Variants in NFIB observed in about 807,000 individuals in gnomAD.
NFIB encodes nuclear factor I B.
A neutral mutation model predicts 61.5 loss-of-function variants in NFIB; 11 were observed. The observed-to-expected ratio is 0.18, with a 90% CI of 0.11 to 0.30. The LOEUF (loss-of-function observed/expected upper bound fraction) is 0.30. Ranked by LOEUF, NFIB falls within the 10% of genes least tolerant of loss-of-function variation. The pLI, the probability that NFIB is intolerant of heterozygous loss-of-function variation, is 1.00. For missense variants in NFIB, 471 were observed against 608.9 expected (o/e 0.77, Z 2.38); for synonymous variants, 260 against 216.5 (o/e 1.20, Z -1.76).
chr9:14,307,552 T>C lies in NFIB; in HGVS notation c.31-32A>G. 1 of 1,515,482 alleles carries C rather than the reference T, an allele frequency of 6.6e-7. No homozygotes were observed. Among genetic ancestry groups the C allele is most frequent in the South Asian group, 1.4e-5 (1 of 73,762 alleles). 93.9% of individuals were successfully genotyped at this position (1,515,482 alleles called of 1,614,324 possible). A position where few individuals can be genotyped will look rare whatever the true frequency, so the allele number is the denominator to read the frequency against. ...AAGACAGAGGGGTGAGGAAAAGATGTGCATAGTCAGTTTAATTTTAAAAGC... is the reference window on the plus strand; with the variant it reads ...AAGACAGAGGGGTGAGGAAAAGATGCGCATAGTCAGTTTAATTTTAAAAGC... On this transcript the variant is annotated intron_variant, in intron 1 of 10. Transcript: ENST00000380953. The surrounding 1 kb of genome is among the most constrained non-coding windows in gnomAD (Gnocchi z 5.3).
intron 1 of NFIB, among the ~76,000 whole-genome samples, chr9:14,335,869 C>T (rs1384683359): frequency 6.6e-6 from 1 of 152,158 alleles, no homozygotes; most frequent in African/African-American, 2.4e-5. Context: ...AGGTATGAGT[C>T]AAAATTCATT....
Position 14,215,134 on chromosome 9 carries a change from T to C in NFIB, c.563-35354A>G, listed in dbSNP as rs146441307. On this transcript the variant is annotated intron_variant, in intron 2 of 10. Coordinates refer to ENST00000380953, the MANE Select transcript of NFIB (RefSeq NM_001190737.2). ...AATGATCTTCTGTCAAGCTCAACAA[T>C]TGGGTGCTTAGCAGAGCAAGAAATG... 1.1e-4 allele frequency among the ~76,000 whole-genome samples: 16 copies of C among 151,388 alleles called. 1 individual carries two copies. The highest frequency in any genetic ancestry group is 2.2e-4 in the African/African-American group (9 of 40,698).
chr9:14,398,419 T>C (rs1349655601), intron 1 of NFIB: 2 of 796,192 alleles, frequency 2.5e-6, no homozygotes, highest in African/African-American at 3.6e-5. Context: ...AAGGACCTTC[T>C]CTAGAGCAGC....
chr9:14,145,285 T>C (rs2042163237), intron 6 of NFIB, among the ~76,000 whole-genome samples: 1 of 152,098 alleles, frequency 6.6e-6, no homozygotes, highest in Admixed American at 6.6e-5. Context: ...AACACAGGGT[T>C]ATGCTTTTGT....
chr9:14,125,745 A>G lies in NFIB; in HGVS notation c.947T>C (p.Met316Thr). Reference protein sequence around the residue: ...RDQDMSSPTTMKKPEKPLFSS... With the variant: ...RDQDMSSPTTTKKPEKPLFSS... ...GAACAATGGCTTTTCAGGCTTCTTC[A>G]TAGTAGTCGGAGAAGACATATCTGC... Residue 316 changes from methionine (M) to threonine (T), a missense_variant, in exon 7 of 11, where the codon ATG (methionine) becomes ACG (threonine). Met to Thr is a moderately conservative substitution (Grantham distance 81). This residue lies in a region of NFIB where 372 missense variants were observed against 395.6 expected (regional missense o/e 0.94). Transcript: ENST00000380953. The G allele has an allele frequency of 6.2e-7, 1 of 1,614,166 alleles. No homozygotes were observed. Among genetic ancestry groups the G allele is most frequent in the Non-Finnish European group, 8.5e-7 (1 of 1,180,002 alleles).
At chr9:14,319,235 C>T (rs1324869947) in intron 1 of NFIB, among the ~76,000 whole-genome samples, 4 of 151,594 alleles carry the variant, frequency 2.6e-5, no homozygotes, top group African/African-American at 9.7e-5. Context: ...ACATTTCTAG[C>T]ATATTTACAA....
chr9:14,105,152 A>T lies in NFIB; in HGVS notation c.1467+7847T>A, dbSNP rs369181048. On this transcript the variant is annotated intron_variant, in intron 10 of 10. Coordinates refer to ENST00000380953, the MANE Select transcript of NFIB (RefSeq NM_001190737.2). ...GGCTATCTTTGACCATATGCTGCAC[A>T]CATAAAAATGAACGTATTTTTGGAC... Among the ~76,000 whole-genome samples the T allele has an allele frequency of 4.6e-5, 7 of 152,324 alleles. No homozygotes were observed. In the East Asian group the frequency reaches 1.4e-3, roughly 29 times the overall value.
chr9:14,128,851 C>G (rs1233953217), intron 6 of NFIB, among the ~76,000 whole-genome samples: 1 of 152,030 alleles, frequency 6.6e-6, no homozygotes, highest in African/African-American at 2.4e-5. Context: ...ATTCATGGGT[C>G]TCCTTTTGTA....
the NFIB span, among the ~76,000 whole-genome samples, chr9:14,471,907 C>T: frequency 6.6e-6 from 1 of 152,186 alleles, no homozygotes; most frequent in African/African-American, 2.4e-5. Flanking sequence ...GTTAGGCAGG[C>T]ATATAGTCCA....
intron 2 of NFIB, among the ~76,000 whole-genome samples, chr9:14,267,386 C>A (rs1441689149): frequency 1.3e-5 from 2 of 152,106 alleles, no homozygotes; most frequent in African/African-American, 4.8e-5. Flanking sequence ...AAAGGTTAAC[C>A]TGTCCCTGAG....
At chr9:14,133,276 C>A (rs577359533) in intron 6 of NFIB, among the ~76,000 whole-genome samples, 1 of 152,090 alleles carries the variant, frequency 6.6e-6, no homozygotes, top group Non-Finnish European at 1.5e-5. Flanking sequence ...CAAAGGTGGT[C>A]AACACATCCA....
the NFIB span, among the ~76,000 whole-genome samples, chr9:14,427,278 T>C: frequency 2.6e-5 from 4 of 152,184 alleles, no homozygotes; most frequent in African/African-American, 9.7e-5. Flanking sequence ...ATAATAGTAA[T>C]AATAATAATA....
chr9:14,455,739 A>T, the NFIB span, among the ~76,000 whole-genome samples: 1 of 152,222 alleles, frequency 6.6e-6, no homozygotes, highest in African/African-American at 2.4e-5. Flanking sequence ...AGTGACCTTA[A>T]CAAAAGTGTA....
At chr9:14,370,116 G>A (rs147539469) in intron 1 of NFIB, among the ~76,000 whole-genome samples, 1 of 152,242 alleles carries the variant, frequency 6.6e-6, no homozygotes, top group East Asian at 1.9e-4. Context: ...CTCCCTTCAA[G>A]CAGCTTTCTC....
chr9:14,261,489 C>T (rs1055651637), intron 2 of NFIB, among the ~76,000 whole-genome samples: 1 of 152,122 alleles, frequency 6.6e-6, no homozygotes, highest in Admixed American at 6.5e-5. Context: ...AAAACATCCC[C>T]TTTGCTCTCT....
intron 10 of NFIB, among the ~76,000 whole-genome samples, chr9:14,099,922 G>A (rs552777690): frequency 3.9e-5 from 6 of 152,076 alleles, no homozygotes; most frequent in Admixed American, 3.9e-4. Context: ...AAATACAAAA[G>A]TTAGCCGGGC....
chr9:14,336,424 A>G (rs1381901705), intron 1 of NFIB, among the ~76,000 whole-genome samples: 1 of 152,240 alleles, frequency 6.6e-6, no homozygotes, highest in African/African-American at 2.4e-5. Context: ...AAATGACTCT[A>G]CAGACTGACC....
At position 14,088,147 on chromosome 9, in the gene NFIB, T is replaced by C. The variant is rs13301482; in HGVS notation, c.*162A>G. 7.2e-7 allele frequency: 1 copy of C among 1,397,106 alleles called. No individual in the cohort carries two copies. The highest frequency in any genetic ancestry group is 2.4e-4 in the Middle Eastern group (1 of 4,124). The allele number at this position is 1,397,106 out of a possible 1,614,324, so 86.5% of individuals were successfully genotyped here. On this transcript the variant is annotated 3_prime_UTR_variant, in exon 11 of 11. Transcript: ENST00000380953. ...GTCCAGTCTTCCTCTTTTCCTTTTT[T>C]TTTATTTAAAAAAAAAATTTCTTAA...
chr9:14,320,195 T>C (rs1281336833), intron 1 of NFIB, among the ~76,000 whole-genome samples: 1 of 152,232 alleles, frequency 6.6e-6, no homozygotes, highest in Non-Finnish European at 1.5e-5. Flanking sequence ...CACCATTTCT[T>C]GTATGGAACA....
Sources: allele counts gnomAD v4.1 joint callset (sites outside exome capture counted in the v4.1 genomes callset), GRCh38; gene constraint gnomAD v4.1.1; regional missense constraint gnomAD v4.1.1; non-coding constraint Gnocchi (gnomAD v3.1); transcripts MANE v1.5; gene names NCBI Gene and HGNC (gene_info 2026-07-23, HGNC 2026-07-21).